STAM2: variants seen among roughly 807,000 people sequenced by gnomAD.
STAM2 encodes signal transducing adapter molecule 2.
Under a neutral mutation model 65.6 loss-of-function variants are expected in STAM2, and 51 were observed. The ratio of observed to expected loss-of-function variants is 0.78; its 90% CI spans 0.62 to 0.98. The LOEUF (loss-of-function observed/expected upper bound fraction) is 0.98, where lower values mean the gene tolerates loss of function less well. Among genes scored for constraint, STAM2 ranks in the 50% least tolerant of loss-of-function variants. The pLI is 0.00. For missense variants in STAM2, 584 were observed against 617.8 expected (o/e 0.95, Z 0.58); for synonymous variants, 198 against 208.4 (o/e 0.95, Z 0.43).
chr2:152,158,039 C>G (rs1480722129), intron 1 of STAM2, among the ~76,000 whole-genome samples: 1 of 152,154 alleles, frequency 6.6e-6, no homozygotes, highest in African/African-American at 2.4e-5. Flanking sequence ...GTCAGCATAA[C>G]CCAAATGTTA....
intron 4 of STAM2, 47 bp from the exon 5 acceptor site, chr2:152,147,355 A>AT (rs1198203572): frequency 1.0e-5 from 15 of 1,468,234 alleles, no homozygotes; most frequent in Non-Finnish European, 1.4e-5. Context: ...TACGGTTAAA[A>AT]TAAGTACTTA....
At chr2:152,137,177 C>T (rs964907161) in intron 7 of STAM2, among the ~76,000 whole-genome samples, 10 of 151,930 alleles carry the variant, frequency 6.6e-5, no homozygotes, top group Non-Finnish European at 1.2e-4. Flanking sequence ...TGTGAGCCAC[C>T]GCACCCGGCC....
intron 2 of STAM2, 27 bp from the exon 3 acceptor site, chr2:152,148,327 A>T (rs1689375350): frequency 2.0e-6 from 3 of 1,517,936 alleles, no homozygotes; most frequent in Non-Finnish European, 9.0e-7. Context: ...AGAGAGAGAC[A>T]GTTAAGTATT....
chr2:152,169,712 TCTTA>T (rs1487962357), intron 1 of STAM2, among the ~76,000 whole-genome samples: 1 of 152,164 alleles, frequency 6.6e-6, no homozygotes. Context: ...GAAAACAATG[TCTTA>T]CTTCATATTC....
chr2:152,120,931 C>T (rs2077826966), intron 13 of STAM2, 129 bp from the exon 14 acceptor site: 1 of 661,202 alleles, frequency 1.5e-6, no homozygotes, highest in Non-Finnish European at 2.6e-6. Context: ...GTTCTGATTA[C>T]AATTTAATCA....
At chr2:152,143,756 G>A in intron 7 of STAM2, 71 bp downstream of exon 7, 2 of 1,251,872 alleles carry the variant, frequency 1.6e-6, no homozygotes, top group Non-Finnish European at 1.1e-6. Context: ...AAAAGTCAAA[G>A]AACTGAATAC....
chr2:152,147,347 C>T (rs749526955), intron 4 of STAM2, 39 bp from the exon 5 acceptor site: 30 of 1,492,142 alleles, frequency 2.0e-5, no homozygotes, highest in South Asian at 2.8e-5. Context: ...CAAAAATCTA[C>T]GGTTAAAATA....
intron 7 of STAM2, among the ~76,000 whole-genome samples, chr2:152,138,484 C>T (rs1471837478): frequency 1.3e-5 from 2 of 152,016 alleles, no homozygotes. Flanking sequence ...AATAGTTTAT[C>T]CATCGGACTC....
At chr2:152,155,375 C>T (rs1361480158) in intron 1 of STAM2, among the ~76,000 whole-genome samples, 1 of 152,172 alleles carries the variant, frequency 6.6e-6, no homozygotes, top group African/African-American at 2.4e-5. Context: ...AAGTTCTGGA[C>T]CAACCAAAGC....
intron 7 of STAM2, 97 bp from the exon 8 acceptor site, chr2:152,135,700 T>C (rs1579316668): frequency 2.6e-6 from 2 of 769,086 alleles, no homozygotes; most frequent in East Asian, 2.6e-5. Context: ...TTTGAATATA[T>C]CCGTTTACAA....
intron 4 of STAM2, 48 bp downstream of exon 4, chr2:152,147,976 A>T: frequency 7.2e-7 from 1 of 1,381,020 alleles, no homozygotes; most frequent in Non-Finnish European, 1.0e-6. Flanking sequence ...ATGACACACA[A>T]TCTACATTTT....
intron 1 of STAM2, among the ~76,000 whole-genome samples, chr2:152,153,151 T>C (rs1288872419): frequency 1.3e-5 from 2 of 152,182 alleles, no homozygotes; most frequent in Admixed American, 6.5e-5. Flanking sequence ...AAAATTTCAA[T>C]ATCAAAGAAT....
intron 1 of STAM2, among the ~76,000 whole-genome samples, chr2:152,171,951 GAAATCAATGA>G: frequency 6.6e-6 from 1 of 152,160 alleles, no homozygotes; most frequent in Admixed American, 6.5e-5. Context: ...TCATGACTTG[GAAATCAATGA>G]ATAAGGAAAT....
At chr2:152,152,144 T>C (rs887502637) in intron 1 of STAM2, among the ~76,000 whole-genome samples, 2 of 152,212 alleles carry the variant, frequency 1.3e-5, no homozygotes, top group Admixed American at 1.3e-4. Flanking sequence ...TTTTGCCATG[T>C]TGCCCAGGTT....
rs980509416 is a variant in STAM2, at chr2:152,134,943, C to T, written c.799+566G>A. 2.6e-5 allele frequency among the ~76,000 whole-genome samples: 4 copies of T among 152,304 alleles called. 1 individual carries two copies. The highest frequency in any genetic ancestry group is 9.6e-5 in the African/African-American group (4 of 41,572). ...AATGGCTAAAGTGACTAAAATGGAA[C>T]TGTCTGTGGCTGCAGACTGACTAAA... is the stretch of plus-strand genomic sequence containing the variant. On this transcript the variant is annotated intron_variant, in intron 8 of 13. Coordinates refer to ENST00000263904, the MANE Select transcript of STAM2 (RefSeq NM_005843.6).
intron 1 of STAM2, among the ~76,000 whole-genome samples, chr2:152,158,708 A>G (rs1689599467): frequency 6.6e-6 from 1 of 152,100 alleles, no homozygotes; most frequent in South Asian, 2.1e-4. Context: ...ACAGAAATTT[A>G]TTTCTCACAG....
rs1209634715 is a variant in STAM2, at chr2:152,132,169, C to A, written c.971-1G>T. ...ATTGGACCCATCTGTTGGCAGATAT[C>A]TGTAAATACAAAAATACTTACAAAT... is the stretch of plus-strand genomic sequence containing the variant. On this transcript the variant is annotated splice_acceptor_variant, in intron 10 of 13. Coordinates refer to ENST00000263904, the MANE Select transcript of STAM2 (RefSeq NM_005843.6). LOFTEE classifies it high-confidence loss of function. The A allele has an allele frequency of 6.2e-7, 1 of 1,605,210 alleles. No individual in the cohort carries two copies. The highest frequency in any genetic ancestry group is 8.5e-7 in the Non-Finnish European group (1 of 1,175,026).
chr2:152,166,492 C>T (rs1579336606), intron 1 of STAM2, among the ~76,000 whole-genome samples: 1 of 152,246 alleles, frequency 6.6e-6, no homozygotes, highest in East Asian at 1.9e-4. Context: ...CATATATACA[C>T]AGCCTATTCT....
rs112392831 is a variant in STAM2 at position 152,157,863 on chromosome 2, C to T, written c.41-7634G>A. Among the ~76,000 whole-genome samples, 336 of 152,270 alleles carry T rather than the reference C, an allele frequency of 2.2e-3. 2 individuals are homozygous for T. Among genetic ancestry groups the T allele is most frequent in the African/African-American group, 7.7e-3 (321 of 41,550 alleles). ...AGCCTGTCAAAACGTAAAAGATCCC[C>T]CCAATAATATTACAACCTGACAGAA... On this transcript the variant is annotated intron_variant, in intron 1 of 13. Coordinates refer to ENST00000263904, the MANE Select transcript of STAM2 (RefSeq NM_005843.6).
Sources: allele counts gnomAD v4.1 joint callset (sites outside exome capture counted in the v4.1 genomes callset), GRCh38; gene constraint gnomAD v4.1.1; transcripts MANE v1.5; gene names NCBI Gene and HGNC (gene_info 2026-07-23, HGNC 2026-07-21).